NFATC2: variants seen among roughly 807,000 people sequenced by gnomAD.
NFATC2 encodes the protein nuclear factor of activated T cells 2.
NFATC2 carries 22 observed loss-of-function variants against 87.3 expected under a neutral mutation model. The observed-to-expected ratio is 0.25, with a 90% CI of 0.18 to 0.36. The LOEUF (loss-of-function observed/expected upper bound fraction) is 0.36. Among genes scored for constraint, NFATC2 ranks in the 10% least tolerant of loss-of-function variants. NFATC2 has a pLI of 1.00. For synonymous variants in NFATC2, 565 were observed against 542.2 expected (o/e 1.04, Z -0.58); for missense variants, 1,149 against 1,259.1 (o/e 0.91, Z 1.32).
intron 9 of NFATC2, among the ~76,000 whole-genome samples, chr20:51,415,761 T>G (rs1203445426): frequency 6.6e-6 from 1 of 152,174 alleles, no homozygotes; most frequent in Non-Finnish European, 1.5e-5. Context: ...AGAGGACATG[T>G]TTCACACCCT....
At chr20:51,417,360 C>T (rs549044926) in intron 9 of NFATC2, among the ~76,000 whole-genome samples, 2 of 152,264 alleles carry the variant, frequency 1.3e-5, no homozygotes, top group East Asian at 3.9e-4. Flanking sequence ...GAGGCCTGTC[C>T]CCTCCATGCT....
intron 10 of NFATC2, among the ~76,000 whole-genome samples, chr20:51,398,254 C>CCA (rs1256005440): frequency 1.3e-5 from 2 of 152,174 alleles, no homozygotes; most frequent in Non-Finnish European, 2.9e-5. Flanking sequence ...ACCTCCCTGC[C>CCA]CACTCTGCTG....
intron 1 of NFATC2, among the ~76,000 whole-genome samples, chr20:51,561,280 A>C (rs1321528540): frequency 2.0e-5 from 3 of 151,118 alleles, no homozygotes; most frequent in Non-Finnish European, 2.9e-5. Context: ...GCCGTGGCAA[A>C]GCACACCGTT....
intron 5 of NFATC2, among the ~76,000 whole-genome samples, chr20:51,470,511 C>T (rs552217415): frequency 2.4e-4 from 36 of 152,128 alleles, no homozygotes; most frequent in Non-Finnish European, 3.7e-4. Flanking sequence ...CTGCTAGCAT[C>T]GAAGAACTTA....
At chr20:51,408,636 A>C (rs1169691169) in intron 9 of NFATC2, among the ~76,000 whole-genome samples, 1 of 152,072 alleles carries the variant, frequency 6.6e-6, no homozygotes, top group Admixed American at 6.5e-5. Flanking sequence ...TTATCCATAC[A>C]AAAAAACAGT....
chr20:51,419,065 ACT>A (rs1568949395), intron 9 of NFATC2, among the ~76,000 whole-genome samples: 3 of 151,980 alleles, frequency 2.0e-5, no homozygotes, highest in Non-Finnish European at 4.4e-5. Context: ...GAAGGCAGAG[ACT>A]CTGTTTCACA....
intron 9 of NFATC2, among the ~76,000 whole-genome samples, chr20:51,417,250 C>T (rs961063107): frequency 6.6e-6 from 1 of 152,144 alleles, no homozygotes; most frequent in African/African-American, 2.4e-5. Context: ...ATTTCCTGTA[C>T]TTGTCAGTCT....
chr20:51,481,083 C>A (rs933681536), intron 3 of NFATC2, among the ~76,000 whole-genome samples: 1 of 152,152 alleles, frequency 6.6e-6, no homozygotes, highest in African/African-American at 2.4e-5. Flanking sequence ...CACCCTCCAT[C>A]CTCCCCTCCT....
intron 9 of NFATC2, among the ~76,000 whole-genome samples, chr20:51,405,849 G>A (rs1417007826): frequency 1.3e-5 from 2 of 152,144 alleles, no homozygotes; most frequent in Admixed American, 1.3e-4. Flanking sequence ...GTCTCCCAGA[G>A]CACAGCAACC....
At position 51,553,183 on chromosome 20, in the gene NFATC2, C is replaced by T. The variant is rs976061773; in HGVS notation, c.70+9377G>A. Among the ~76,000 whole-genome samples the T allele has an allele frequency of 1.6e-4, 25 of 152,272 alleles. No homozygotes were observed. In the South Asian group the frequency reaches 2.7e-3, roughly 16 times the overall value. ...GCTGTTCCCTGGGGATGCCCTCCTC[C>T]GTTTGCCCCAGCCCCCACCTGTCTT... On this transcript the variant is annotated intron_variant, in intron 1 of 10. Coordinates refer to the NFATC2 transcript ENST00000414705.
intron 5 of NFATC2, among the ~76,000 whole-genome samples, chr20:51,455,993 T>C (rs1480278900): frequency 9.6e-6 from 1 of 103,784 alleles, no homozygotes; most frequent in Non-Finnish European, 1.9e-5. Context: ...GGTGGGTAGA[T>C]GGATGGATGA....
At chr20:51,427,950 C>G (rs1338960718) in intron 9 of NFATC2, among the ~76,000 whole-genome samples, 2 of 152,208 alleles carry the variant, frequency 1.3e-5, no homozygotes, top group East Asian at 3.8e-4. Context: ...ACCGTGAGAG[C>G]AAAGATTTCA....
At chr20:51,514,383 G>C (rs561800791) in intron 3 of NFATC2, among the ~76,000 whole-genome samples, 1 of 152,234 alleles carries the variant, frequency 6.6e-6, no homozygotes, top group African/African-American at 2.4e-5. Flanking sequence ...TTTGTTGAGT[G>C]CCTGCTATGT....
chr20:51,397,264 C>G (rs1271602866), intron 10 of NFATC2, among the ~76,000 whole-genome samples: 1 of 152,220 alleles, frequency 6.6e-6, no homozygotes, highest in Non-Finnish European at 1.5e-5. Flanking sequence ...TTTACACTTA[C>G]TAAGTAACTT....
chr20:51,432,196 GAAT>G lies in NFATC2; in HGVS notation c.2590_2592del (p.Ile864del). On this transcript the variant is annotated inframe_deletion, in exon 9 of 11. Transcript: ENST00000371564. This position sits in a 1 kb window ranked among gnomAD's most constrained non-coding sequence, Gnocchi z 4.6. ...CTTTGGCTCGTGGCATTCTGCTGCT[GAAT>G]GACTGTGGGGTAGGAACCCGGGCTC... 1 of 1,610,952 alleles carries G rather than the reference GAAT, an allele frequency of 6.2e-7. No homozygotes were observed. Among genetic ancestry groups the G allele is most frequent in the Non-Finnish European group, 8.5e-7 (1 of 1,177,622 alleles).
At chr20:51,452,118 C>G (rs1402984742) in intron 6 of NFATC2, among the ~76,000 whole-genome samples, 1 of 152,122 alleles carries the variant, frequency 6.6e-6, no homozygotes, top group African/African-American at 2.4e-5. Context: ...TTCATCATCT[C>G]TGATCCCTCA....
rs117994417 is a variant in NFATC2, at chr20:51,491,024, A to T, written c.1333-15364T>A. On this transcript the variant is annotated intron_variant, in intron 3 of 10. Transcript: ENST00000371564. ...ACCCAGGTCAGTGCCCAGACACAAG[A>T]GGTGCTCAGCAAACCTCTGCAAAAG... 3.2e-3 allele frequency among the ~76,000 whole-genome samples: 482 copies of T among 152,282 alleles called. 12 individuals carry two copies. The East Asian group carries it at 0.061, about 19-fold the overall frequency.
At chr20:51,429,639 C>G (rs751861304) in intron 9 of NFATC2, among the ~76,000 whole-genome samples, 2 of 152,228 alleles carry the variant, frequency 1.3e-5, no homozygotes, top group Non-Finnish European at 2.9e-5. Flanking sequence ...GTGCGATGCG[C>G]TCTCCTTTGT....
chr20:51,517,010 T>G, intron 2 of NFATC2, 55 bp from the exon 3 acceptor site: 1 of 1,530,090 alleles, frequency 6.5e-7, no homozygotes, highest in South Asian at 1.2e-5. Flanking sequence ...TTAGTCAACT[T>G]GTACAATAAT....
Sources: gnomAD v4.1 joint callset for allele counts (sites outside exome capture counted in the v4.1 genomes callset) on GRCh38, gnomAD v4.1.1 for gene constraint, Gnocchi (gnomAD v3.1) non-coding constraint, MANE v1.5 for transcripts, NCBI Gene and HGNC (gene_info 2026-07-23, HGNC 2026-07-21) for gene names.